GRID2: variants seen among roughly 807,000 people sequenced by gnomAD.
The protein encoded by GRID2 is glutamate ionotropic receptor delta type subunit 2, also known as glutamate receptor ionotropic, delta-2.
A neutral mutation model predicts 114.8 loss-of-function variants in GRID2; 33 were observed. The observed-to-expected ratio is 0.29, with a 90% CI of 0.22 to 0.38. GRID2 has a LOEUF of 0.38. Ranked by LOEUF, GRID2 falls within the 10% of genes least tolerant of loss-of-function variation. The pLI, the probability that GRID2 is intolerant of heterozygous loss-of-function variation, is 1.00. For missense variants in GRID2, 1,184 were observed against 1,257.7 expected, an observed-to-expected ratio of 0.94 and a Z score of 0.89; for synonymous variants, 505 against 449.9, an observed-to-expected ratio of 1.12 and a Z score of -1.55.
At chr4:93,005,282 A>G (rs1192827884) in intron 2 of GRID2, among the ~76,000 whole-genome samples, 1 of 152,090 alleles carries the variant, frequency 6.6e-6, no homozygotes, top group African/African-American at 2.4e-5. Context: ...TTATTCTTGA[A>G]TGATAATTTA....
intron 14 of GRID2, among the ~76,000 whole-genome samples, chr4:93,666,575 G>A (rs1723966763): frequency 6.6e-6 from 1 of 151,978 alleles, no homozygotes; most frequent in Non-Finnish European, 1.5e-5. Flanking sequence ...TAATTACATG[G>A]TGGCACTTAG....
intron 4 of GRID2, among the ~76,000 whole-genome samples, chr4:93,168,235 G>T (rs911459671): frequency 2.0e-5 from 3 of 147,830 alleles, no homozygotes; most frequent in African/African-American, 7.5e-5. Context: ...GGAAAGGAAA[G>T]GAAAGAAAAG....
intron 5 of GRID2, among the ~76,000 whole-genome samples, chr4:93,210,107 A>G (rs978538152): frequency 1.4e-4 from 22 of 151,848 alleles, no homozygotes; most frequent in African/African-American, 5.1e-4. Context: ...GTTTAATTCA[A>G]TTTTGTTTGT....
chr4:93,365,352 C>G (rs755241879), intron 8 of GRID2, among the ~76,000 whole-genome samples: 1 of 152,078 alleles, frequency 6.6e-6, no homozygotes, highest in East Asian at 1.9e-4. Flanking sequence ...CTTTCTCAGA[C>G]CTAGAGTTAA....
chr4:93,470,634 G>A (rs7681049), intron 11 of GRID2, among the ~76,000 whole-genome samples: 36,021 of 151,898 alleles, frequency 0.24, 4,746 homozygotes, highest in East Asian at 0.59. Flanking sequence ...GTGTGTATAC[G>A]CACACATATA....
At chr4:93,533,772 T>C (rs1372593182) in intron 13 of GRID2, among the ~76,000 whole-genome samples, 1 of 152,012 alleles carries the variant, frequency 6.6e-6, no homozygotes, top group Non-Finnish European at 1.5e-5. Context: ...ACTGTCTCTT[T>C]CCTGGATTAT....
chr4:92,445,830 A>G (rs1173337379), intron 1 of GRID2, among the ~76,000 whole-genome samples: 1 of 152,204 alleles, frequency 6.6e-6, no homozygotes, highest in Non-Finnish European at 1.5e-5. Flanking sequence ...TCCAATTAAC[A>G]TTTTTAGCTC....
At position 92,695,007 on chromosome 4, in the gene GRID2, C is replaced by T. The variant is rs552689491; in HGVS notation, c.244+104721C>T. ...TTTGGGATGGAGTCTCACTCTGTCACCCAGGCTGGAGTGCAGTGGTGCAAT... is the reference window on the plus strand; with the variant it reads ...TTTGGGATGGAGTCTCACTCTGTCATCCAGGCTGGAGTGCAGTGGTGCAAT... On this transcript the variant is annotated intron_variant, in intron 2 of 15. Coordinates refer to ENST00000282020, the MANE Select transcript of GRID2 (RefSeq NM_001510.4). 1.0e-3 allele frequency among the ~76,000 whole-genome samples: 158 copies of T among 152,236 alleles called. 1 individual carries two copies. Among genetic ancestry groups the T allele is most frequent in the African/African-American group, 3.5e-3 (145 of 41,536 alleles).
intron 4 of GRID2, among the ~76,000 whole-genome samples, chr4:93,199,187 C>G (rs552485616): frequency 5.7e-4 from 87 of 152,190 alleles, no homozygotes; most frequent in African/African-American, 2.0e-3. Flanking sequence ...AGCAAACGCC[C>G]AGGAAAACCC....
chr4:93,184,646 G>A (rs188393320), intron 4 of GRID2, among the ~76,000 whole-genome samples: 1 of 152,090 alleles, frequency 6.6e-6, no homozygotes, highest in African/African-American at 2.4e-5. Flanking sequence ...CACTTTGGGA[G>A]TCCAAGGTGG....
intron 14 of GRID2, among the ~76,000 whole-genome samples, chr4:93,702,290 G>A (rs2110142237): frequency 6.6e-6 from 1 of 152,002 alleles, no homozygotes; most frequent in Non-Finnish European, 1.5e-5. Flanking sequence ...TAATTGTTTT[G>A]CTTATTAATC....
At chr4:93,759,869 A>G (rs1437009299) in intron 14 of GRID2, among the ~76,000 whole-genome samples, 1 of 152,238 alleles carries the variant, frequency 6.6e-6, no homozygotes, top group Non-Finnish European at 1.5e-5. Context: ...TTTATAAAGA[A>G]GCAGGAAATA....
intron 2 of GRID2, among the ~76,000 whole-genome samples, chr4:92,983,536 A>G (rs1754339783): frequency 6.6e-6 from 1 of 152,022 alleles, no homozygotes; most frequent in African/African-American, 2.4e-5. Flanking sequence ...TTTTGTCTTC[A>G]AATTATCAAA....
chr4:93,455,958 A>G lies in GRID2; in HGVS notation c.1842A>G (p.Gly614=). Residue 614 remains glycine (G), a synonymous_variant, in exon 11 of 16, where the codon GGA becomes GGG. Coordinates refer to ENST00000282020, the MANE Select transcript of GRID2 (RefSeq NM_001510.4). ...ACAACTCCATGTGGTTTGTGTATGG[A>G]TCTTTTGTACAACAAGGTAAGGAGC... ...TLYNSMWFVY[G]SFVQQGGEVP... is the part of the protein sequence containing the mutation. The G allele has an allele frequency of 1.9e-6, 3 of 1,596,616 alleles. No individual in the cohort carries two copies. Among genetic ancestry groups the G allele is most frequent in the Non-Finnish European group, 2.6e-6 (3 of 1,164,078 alleles).
intron 13 of GRID2, among the ~76,000 whole-genome samples, chr4:93,589,827 G>A (rs1737991948): frequency 6.6e-6 from 1 of 151,936 alleles, no homozygotes; most frequent in Non-Finnish European, 1.5e-5. Context: ...TTTTTCATGT[G>A]TTTTTTGGCT....
chr4:93,681,479 C>T (rs1725530555), intron 14 of GRID2, among the ~76,000 whole-genome samples: 2 of 151,528 alleles, frequency 1.3e-5, no homozygotes, highest in Admixed American at 1.3e-4. Context: ...CAAGTCAATC[C>T]TAAGCCAAAA....
chr4:92,500,065 G>A lies in GRID2; in HGVS notation c.89-90066G>A, dbSNP rs189139084. Among the ~76,000 whole-genome samples, 981 of 152,146 alleles carry A rather than the reference G, an allele frequency of 6.4e-3. 7 individuals are homozygous for A. The highest frequency in any genetic ancestry group is 0.022 in the African/African-American group (895 of 41,502). On this transcript the variant is annotated intron_variant, in intron 1 of 15. Transcript: ENST00000282020. ...GTGGTTGAAAAGTTGACAACAATTCGTTCTCTGTCATTTTTTGGTCTAATT... is the reference window on the plus strand; with the variant it reads ...GTGGTTGAAAAGTTGACAACAATTCATTCTCTGTCATTTTTTGGTCTAATT...
chr4:92,739,426 AT>A (rs952692655), intron 2 of GRID2, among the ~76,000 whole-genome samples: 22 of 150,280 alleles, frequency 1.5e-4, no homozygotes, highest in Middle Eastern at 3.4e-3. Flanking sequence ...TATGAGTAAC[AT>A]TTTTTTTTTC....
At chr4:93,568,627 AT>A (rs1735656480) in intron 13 of GRID2, among the ~76,000 whole-genome samples, 1 of 152,230 alleles carries the variant, frequency 6.6e-6, no homozygotes, top group African/African-American at 2.4e-5. Context: ...CATTAACAAC[AT>A]CATAACCATC....
Sources: gnomAD v4.1 joint callset for allele counts (sites outside exome capture counted in the v4.1 genomes callset) on GRCh38, gnomAD v4.1.1 for gene constraint, MANE v1.5 for transcripts, NCBI Gene and HGNC (gene_info 2026-07-23, HGNC 2026-07-21) for gene names.